The following SEZ6L variants were observed in gnomAD, a reference collection of about 807,000 sequenced individuals.
SEZ6L encodes seizure related 6 homolog like.
SEZ6L carries 37 observed loss-of-function variants against 106.2 expected under a neutral mutation model. The ratio of observed to expected loss-of-function variants is 0.35; its 90% CI spans 0.27 to 0.46. The LOEUF is 0.46. Among genes scored for constraint, SEZ6L ranks in the 20% least tolerant of loss-of-function variants. The pLI, the probability that SEZ6L is intolerant of heterozygous loss-of-function variation, is 1.00. For missense variants in SEZ6L, 1,172 were observed against 1,332.8 expected, an observed-to-expected ratio of 0.88 and a Z score of 1.88; for synonymous variants, 541 against 570.4, an observed-to-expected ratio of 0.95 and a Z score of 0.73.
intron 1 of SEZ6L, among the ~76,000 whole-genome samples, chr22:26,263,500 C>A (rs1433574015): frequency 2.0e-5 from 3 of 152,242 alleles, no homozygotes; most frequent in Admixed American, 1.3e-4. Flanking sequence ...ATGAAAAGTT[C>A]TGTGACTCCA....
intron 1 of SEZ6L, among the ~76,000 whole-genome samples, chr22:26,192,902 G>A (rs764485148): frequency 3.3e-5 from 5 of 152,204 alleles, no homozygotes; most frequent in Non-Finnish European, 7.3e-5. Context: ...ACTGCTTCAC[G>A]TTTGCCCTCC....
chr22:26,342,635 G>T (rs533901975), intron 10 of SEZ6L, among the ~76,000 whole-genome samples: 1 of 152,326 alleles, frequency 6.6e-6, no homozygotes, highest in South Asian at 2.1e-4. Context: ...AGCAGAGGTT[G>T]CAGTGAGCCA....
At chr22:26,256,197 A>G (rs2079814053) in intron 1 of SEZ6L, among the ~76,000 whole-genome samples, 1 of 152,220 alleles carries the variant, frequency 6.6e-6, no homozygotes, top group South Asian at 2.1e-4. Context: ...GTAAACAATG[A>G]AAGGCAGATA....
At chr22:26,278,371 CTAGTGTA>C in intron 1 of SEZ6L, among the ~76,000 whole-genome samples, 1 of 152,194 alleles carries the variant, frequency 6.6e-6, no homozygotes, top group Non-Finnish European at 1.5e-5. Context: ...GTTTGGGCTT[CTAGTGTA>C]CCCATTACCA....
At chr22:26,261,073 T>C (rs996191143) in intron 1 of SEZ6L, among the ~76,000 whole-genome samples, 1 of 145,862 alleles carries the variant, frequency 6.9e-6, no homozygotes. Context: ...CACTTTTTGA[T>C]GGGATTATTT....
intron 10 of SEZ6L, among the ~76,000 whole-genome samples, chr22:26,346,030 T>C (rs1480953991): frequency 6.6e-6 from 1 of 152,026 alleles, no homozygotes; most frequent in Non-Finnish European, 1.5e-5. Context: ...AAATTGTTTT[T>C]TTTTTCTTTT....
chr22:26,175,433 G>C (rs749651614), intron 1 of SEZ6L, among the ~76,000 whole-genome samples: 3 of 152,112 alleles, frequency 2.0e-5, no homozygotes, highest in Non-Finnish European at 2.9e-5. Context: ...TAAATCCTTG[G>C]TGCCTTCCAA....
At chr22:26,235,901 A>G (rs1271161278) in intron 1 of SEZ6L, among the ~76,000 whole-genome samples, 1 of 151,984 alleles carries the variant, frequency 6.6e-6, no homozygotes, top group Non-Finnish European at 1.5e-5. Flanking sequence ...AGTAAGAAAA[A>G]CTCTGGCTGC....
At chr22:26,211,543 A>G (rs1343017385) in intron 1 of SEZ6L, among the ~76,000 whole-genome samples, 1 of 152,220 alleles carries the variant, frequency 6.6e-6, no homozygotes. Flanking sequence ...GTTAGGCTCA[A>G]AAGATACCTT....
At chr22:26,328,891 G>C (rs1481925394) in intron 9 of SEZ6L, among the ~76,000 whole-genome samples, 1 of 152,190 alleles carries the variant, frequency 6.6e-6, no homozygotes, top group Non-Finnish European at 1.5e-5. Flanking sequence ...GTGGCTCTCA[G>C]TCCTGGCTGC....
rs1178487619 is a variant in SEZ6L at position 26,246,258 on chromosome 22, A to C, written c.95-46148A>C. 2.6e-5 allele frequency among the ~76,000 whole-genome samples: 4 copies of C among 152,224 alleles called. No individual in the cohort carries two copies. In the East Asian group the frequency reaches 7.7e-4, roughly 29 times the overall value. ...CTGAGTTCAGACCCTTGTAAGACAC[A>C]GCCTCTCCTGTTGTAGAAAGACACC... On this transcript the variant is annotated intron_variant, in intron 1 of 16. Coordinates refer to ENST00000248933, the MANE Select transcript of SEZ6L (RefSeq NM_021115.5).
chr22:26,291,175 A>G (rs1247436896), intron 1 of SEZ6L, among the ~76,000 whole-genome samples: 1 of 152,244 alleles, frequency 6.6e-6, no homozygotes, highest in Non-Finnish European at 1.5e-5. Context: ...ACAATAGCAA[A>G]GACGTGGAAT....
chr22:26,304,945 T>C (rs944397324), intron 5 of SEZ6L, among the ~76,000 whole-genome samples: 1 of 152,218 alleles, frequency 6.6e-6, no homozygotes, highest in African/African-American at 2.4e-5. Context: ...ATAGAGTGTA[T>C]GTACACGAGC....
At chr22:26,330,461 C>A (rs1297647393) in intron 9 of SEZ6L, among the ~76,000 whole-genome samples, 1 of 152,138 alleles carries the variant, frequency 6.6e-6, no homozygotes, top group Non-Finnish European at 1.5e-5. Flanking sequence ...CAGAGGGATC[C>A]TGAGGAATTA....
Position 26,318,721 on chromosome 22 carries a change from T to A in SEZ6L, c.2015+4819T>A, listed in dbSNP as rs1426641198. Among the ~76,000 whole-genome samples, 3 of 152,200 alleles carry A rather than the reference T, an allele frequency of 2.0e-5. No individual in the cohort carries two copies. In the East Asian group the frequency reaches 5.8e-4, roughly 29 times the overall value. ...TGTCTAAGAGGCATCTCAAATGAAA[T>A]GTATTCAAAGACAAACTCCTGATTC... is the stretch of plus-strand genomic sequence containing the variant. On this transcript the variant is annotated intron_variant, in intron 9 of 16. Transcript: ENST00000248933.
At chr22:26,379,393 A>T (rs1191109675) in intron 16 of SEZ6L, among the ~76,000 whole-genome samples, 1 of 152,230 alleles carries the variant, frequency 6.6e-6, no homozygotes, top group Non-Finnish European at 1.5e-5. Context: ...AGGGGACCCC[A>T]CAAAGGCATG....
At chr22:26,267,104 T>C (rs912478774) in intron 1 of SEZ6L, among the ~76,000 whole-genome samples, 6 of 152,216 alleles carry the variant, frequency 3.9e-5, no homozygotes, top group African/African-American at 1.4e-4. Context: ...TTTACTATGT[T>C]CTAGGCTCTT....
chr22:26,232,346 T>TCA (rs10654892), intron 1 of SEZ6L, among the ~76,000 whole-genome samples: 12,354 of 133,100 alleles, frequency 0.093, 649 homozygotes, highest in East Asian at 0.12. Context: ...TCTCTGTCTT[T>TCA]CACACACACA....
chr22:26,253,612 A>G (rs1176465016), intron 1 of SEZ6L, among the ~76,000 whole-genome samples: 1 of 152,204 alleles, frequency 6.6e-6, no homozygotes, highest in Non-Finnish European at 1.5e-5. Context: ...ATTTAGTTCA[A>G]TTATTATTTG....
Sources: allele counts gnomAD v4.1 joint callset (sites outside exome capture counted in the v4.1 genomes callset), GRCh38; gene constraint gnomAD v4.1.1; transcripts MANE v1.5; gene names NCBI Gene and HGNC (gene_info 2026-07-23, HGNC 2026-07-21).